XIRP2: variants seen among roughly 807,000 people sequenced by gnomAD.
XIRP2 encodes xin actin-binding repeat-containing protein 2.
A neutral mutation model predicts 277.0 loss-of-function variants in XIRP2; 236 were observed. That is an observed-to-expected ratio of 0.85 (90% confidence interval 0.77 to 0.95). XIRP2 has a LOEUF of 0.95. XIRP2 is among the 40% of genes least tolerant of loss of function. XIRP2 has a pLI of 0.00. For missense variants in XIRP2, 4,640 were observed against 4,157.5 expected (o/e 1.12, Z -3.19); for synonymous variants, 1,490 against 1,416.5 (o/e 1.05, Z -1.17).
chr2:166,979,343 C>T (rs987658447), intron 2 of XIRP2, among the ~76,000 whole-genome samples: 7 of 142,988 alleles, frequency 4.9e-5, no homozygotes, highest in African/African-American at 1.3e-4. Flanking sequence ...GGCTGTGTTT[C>T]CTTTTCTTTT....
At chr2:167,181,208 CAGA>C (rs1692997840) in intron 3 of XIRP2, among the ~76,000 whole-genome samples, 1 of 152,130 alleles carries the variant, frequency 6.6e-6, no homozygotes, top group Non-Finnish European at 1.5e-5. Flanking sequence ...TGGGCTGGTC[CAGA>C]AGATGTTTAC....
intron 3 of XIRP2, among the ~76,000 whole-genome samples, chr2:167,157,569 T>C (rs1373145291): frequency 1.3e-5 from 2 of 152,058 alleles, no homozygotes; most frequent in East Asian, 3.9e-4. Flanking sequence ...CAAATAGATA[T>C]ACACACCACA....
At chr2:167,201,364 G>A (rs1319121515) in intron 3 of XIRP2, among the ~76,000 whole-genome samples, 2 of 100,940 alleles carry the variant, frequency 2.0e-5, no homozygotes, top group Non-Finnish European at 3.5e-5. Flanking sequence ...AAGGAAGGAA[G>A]GGGAAGGAAG....
chr2:167,096,103 G>C (rs1290471625), intron 2 of XIRP2, among the ~76,000 whole-genome samples: 3 of 151,136 alleles, frequency 2.0e-5, no homozygotes, highest in Non-Finnish European at 4.4e-5. Context: ...TTATTATTGG[G>C]AATGGTTTCA....
At chr2:167,085,469 C>T (rs1574239374) in intron 2 of XIRP2, among the ~76,000 whole-genome samples, 1 of 151,348 alleles carries the variant, frequency 6.6e-6, no homozygotes, top group Non-Finnish European at 1.5e-5. Context: ...CTGCTTGGTG[C>T]AGAGCTGAGT....
At chr2:167,033,368 C>T (rs754896586) in intron 2 of XIRP2, among the ~76,000 whole-genome samples, 8 of 152,014 alleles carry the variant, frequency 5.3e-5, no homozygotes, top group African/African-American at 1.9e-4. Flanking sequence ...CAACAAACCA[C>T]CATGGCACGT....
At chr2:167,120,480 G>A (rs547032272) in intron 2 of XIRP2, among the ~76,000 whole-genome samples, 5 of 152,210 alleles carry the variant, frequency 3.3e-5, no homozygotes, top group Middle Eastern at 3.4e-3. Flanking sequence ...TTAAGACATC[G>A]TAAGGGTATT....
chr2:167,165,808 T>C (rs755175643), intron 3 of XIRP2, among the ~76,000 whole-genome samples: 2 of 152,218 alleles, frequency 1.3e-5, no homozygotes, highest in African/African-American at 4.8e-5. Flanking sequence ...ATTCTCTTGA[T>C]GCTGTCTTTC....
chr2:167,189,332 T>C (rs1348311882), intron 3 of XIRP2, among the ~76,000 whole-genome samples: 25 of 152,164 alleles, frequency 1.6e-4, no homozygotes, highest in Admixed American at 1.6e-3. Flanking sequence ...ACTTGTTTGA[T>C]AGCCAGGAGT....
intron 3 of XIRP2, 27 bp from the exon 4 acceptor site, chr2:167,210,708 G>A (rs778831092): frequency 5.0e-6 from 8 of 1,612,804 alleles, no homozygotes; most frequent in African/African-American, 1.3e-5. Flanking sequence ...TAACACACAT[G>A]TGTAAGCATG....
Position 167,066,265 on chromosome 2 carries a change from C to T in XIRP2, c.409-69644C>T, listed in dbSNP as rs559082461. ...CTCCTTGTTGCTCTCAACCACCATT[C>T]TAGTTGCTGCTTCTATGTGTTTGAC... On this transcript the variant is annotated intron_variant, in intron 2 of 10. Coordinates refer to ENST00000409195, the MANE Select transcript of XIRP2 (RefSeq NM_152381.6). Among the ~76,000 whole-genome samples, 15 of 152,022 alleles carry T rather than the reference C, an allele frequency of 9.9e-5. No individual in the cohort carries two copies. The South Asian group carries it at 3.1e-3, about 32-fold the overall frequency.
At chr2:166,926,832 T>C (rs1685200713) in intron 2 of XIRP2, among the ~76,000 whole-genome samples, 1 of 152,040 alleles carries the variant, frequency 6.6e-6, no homozygotes, top group African/African-American at 2.4e-5. Flanking sequence ...CCCCAGAATC[T>C]ACAAATAAAT....
chr2:166,999,927 ATATT>A (rs1312817884), intron 2 of XIRP2, among the ~76,000 whole-genome samples: 1 of 152,156 alleles, frequency 6.6e-6, no homozygotes, highest in African/African-American at 2.4e-5. Flanking sequence ...TAAGAAAAAA[ATATT>A]TATCCTGTAG....
chr2:167,075,774 T>C (rs989703667), intron 2 of XIRP2, among the ~76,000 whole-genome samples: 5 of 151,952 alleles, frequency 3.3e-5, no homozygotes, highest in Non-Finnish European at 7.4e-5. Context: ...ACTGAGTAAC[T>C]GGGATTACAG....
In XIRP2 at chr2:167,095,106, G is replaced by C. The variant is rs151102494; in HGVS notation, c.409-40803G>C. On this transcript the variant is annotated intron_variant, in intron 2 of 10. Transcript: ENST00000409195. Reference sequence around the variant, plus strand: ...GTGAATGGTAATTTACTCATGATTTGGCTTTGTTTGTCTATTATTGATGTA... The same window carrying C: ...GTGAATGGTAATTTACTCATGATTTCGCTTTGTTTGTCTATTATTGATGTA... 2.3e-3 allele frequency among the ~76,000 whole-genome samples: 350 copies of C among 152,018 alleles called. 4 individuals carry two copies. The highest frequency in any genetic ancestry group is 8.0e-3 in the African/African-American group (331 of 41,468).
At position 167,007,738 on chromosome 2, in the gene XIRP2, C is replaced by T. The variant is rs1216323835; in HGVS notation, c.408+103848C>T. ...ACACACACACACACACACACACACA[C>T]ATTAATGAAGCTTGGCAGAGAAAAT... On this transcript the variant is annotated intron_variant, in intron 2 of 10. Coordinates refer to ENST00000409195, the MANE Select transcript of XIRP2 (RefSeq NM_152381.6). 2.8e-5 allele frequency among the ~76,000 whole-genome samples: 4 copies of T among 143,794 alleles called. No homozygotes were observed. In the East Asian group the frequency reaches 6.0e-4, roughly 22 times the overall value. The allele number at this position is 143,794 out of a possible 152,430, so 94.3% of individuals were successfully genotyped here. A position where few individuals can be genotyped will look rare whatever the true frequency, so the allele number is the denominator to read the frequency against.
chr2:167,058,109 C>A (rs558347200), intron 2 of XIRP2, among the ~76,000 whole-genome samples: 1 of 149,322 alleles, frequency 6.7e-6, no homozygotes, highest in African/African-American at 2.5e-5. Flanking sequence ...GTTGCCCAGG[C>A]TGGAGTGTAG....
intron 2 of XIRP2, among the ~76,000 whole-genome samples, chr2:166,906,080 A>G (rs1012922138): frequency 2.0e-5 from 3 of 152,056 alleles, no homozygotes; most frequent in African/African-American, 7.2e-5. Flanking sequence ...TTTTGAGACT[A>G]CTGAGATATT....
intron 3 of XIRP2, among the ~76,000 whole-genome samples, chr2:167,143,382 A>G (rs1691779351): frequency 6.6e-6 from 1 of 152,186 alleles, no homozygotes; most frequent in Non-Finnish European, 1.5e-5. Context: ...TTTTTGAAGC[A>G]TGACTGGGAG....
Sources: gnomAD v4.1 joint callset for allele counts (sites outside exome capture counted in the v4.1 genomes callset) on GRCh38, gnomAD v4.1.1 for gene constraint, MANE v1.5 for transcripts, NCBI Gene and HGNC (gene_info 2026-07-23, HGNC 2026-07-21) for gene names.